Variants in EPC1 observed in about 807,000 individuals in gnomAD.
EPC1 encodes enhancer of polycomb 1.
A neutral mutation model predicts 98.4 loss-of-function variants in EPC1; 12 were observed. The observed-to-expected ratio is 0.12, with a 90% CI of 0.08 to 0.20. The LOEUF (loss-of-function observed/expected upper bound fraction) is 0.20. EPC1 is among the 10% of genes least tolerant of loss of function. EPC1 has a pLI of 1.00. For missense variants in EPC1, 729 were observed against 990.5 expected, an observed-to-expected ratio of 0.74 and a Z score of 3.54; for synonymous variants, 357 against 363.9, an observed-to-expected ratio of 0.98 and a Z score of 0.21.
At chr10:32,276,459 C>G (rs1334151879) in intron 10 of EPC1, among the ~76,000 whole-genome samples, 1 of 152,212 alleles carries the variant, frequency 6.6e-6, no homozygotes, top group Non-Finnish European at 1.5e-5. Context: ...TTGCAGTGAG[C>G]CGAGACCGCA....
At chr10:32,291,110 TGATAA>T in intron 6 of EPC1, 48 bp downstream of exon 6, 1 of 1,518,116 alleles carries the variant, frequency 6.6e-7, no homozygotes, top group Non-Finnish European at 9.1e-7. Context: ...TTCATTCTAA[TGATAA>T]AATACCATCC....
intron 1 of EPC1, among the ~76,000 whole-genome samples, chr10:32,306,857 AAC>A (rs3029539): frequency 0.18 from 27,181 of 149,580 alleles, 2,599 homozygotes; most frequent in South Asian, 0.26. Flanking sequence ...ATTAAATTCA[AAC>A]ACACACACAC....
At chr10:32,375,639 A>G (rs1839855845) in intron 1 of EPC1, among the ~76,000 whole-genome samples, 1 of 151,834 alleles carries the variant, frequency 6.6e-6, no homozygotes, top group Admixed American at 6.6e-5. Flanking sequence ...TAATTTCACT[A>G]CTCATTAGCC....
At chr10:32,343,809 T>C (rs1466069327) in intron 1 of EPC1, among the ~76,000 whole-genome samples, 2 of 152,012 alleles carry the variant, frequency 1.3e-5, no homozygotes, top group African/African-American at 4.8e-5. Context: ...ACACGAATAA[T>C]ACTTATTTTC....
chr10:32,296,117 G>C (rs923926047), intron 2 of EPC1, among the ~76,000 whole-genome samples: 19 of 151,714 alleles, frequency 1.3e-4, no homozygotes, highest in Non-Finnish European at 2.4e-4. Flanking sequence ...TTTTGTAGTA[G>C]AGATGGGGTT....
intron 1 of EPC1, among the ~76,000 whole-genome samples, chr10:32,340,684 C>A (rs1437100725): frequency 6.6e-6 from 1 of 152,014 alleles, no homozygotes; most frequent in Non-Finnish European, 1.5e-5. Flanking sequence ...AAAAATTAGG[C>A]GTGGTGGTGT....
intron 1 of EPC1, among the ~76,000 whole-genome samples, chr10:32,313,943 T>TA (rs1836405709): frequency 6.6e-6 from 1 of 151,958 alleles, no homozygotes; most frequent in Non-Finnish European, 1.5e-5. Context: ...GGAATAGCTA[T>TA]GTTTGAAGAC....
Position 32,291,167 on chromosome 10 carries a change from T to C in EPC1, c.971A>G (p.Asn324Ser), listed in dbSNP as rs760742551. Reference protein sequence around the residue: ...EAMDVKEFKVNKQDKADLIRP... With the variant: ...EAMDVKEFKVSKQDKADLIRP... ...TATCACAAAAACATTAATCACCTTA[T>C]TAACTTTGAACTCCTTCACATCCAT... is the stretch of plus-strand genomic sequence containing the variant. Residue 324 changes from asparagine to serine, a missense_variant, in exon 6 of 14, where the codon AAT becomes AGT. Physicochemically the swap from Asn to Ser is conservative, Grantham distance 46 (BLOSUM62 1). Around this residue, in one of 6 missense-constraint regions of EPC1, gnomAD observed 390 missense variants for 438.6 expected, o/e 0.89. Coordinates refer to ENST00000319778, the MANE Select transcript of EPC1 (RefSeq NM_001272004.3). 1.6e-5 allele frequency: 25 copies of C among 1,612,074 alleles called. No homozygotes were observed. Among genetic ancestry groups the C allele is most frequent in the South Asian group, 3.3e-5 (3 of 91,036 alleles).
chr10:32,360,737 T>C (rs1464905181), intron 1 of EPC1, among the ~76,000 whole-genome samples: 1 of 152,060 alleles, frequency 6.6e-6, no homozygotes, highest in East Asian at 1.9e-4. Context: ...CTACTAAAAA[T>C]ACGAAACTTA....
chr10:32,298,886 C>T (rs755225277), intron 2 of EPC1, among the ~76,000 whole-genome samples: 4 of 152,150 alleles, frequency 2.6e-5, no homozygotes, highest in Admixed American at 1.3e-4. Flanking sequence ...AGAATCAGAG[C>T]ACAAAGACAG....
chr10:32,290,251 A>G (rs1836919339), intron 6 of EPC1, among the ~76,000 whole-genome samples: 1 of 151,978 alleles, frequency 6.6e-6, no homozygotes, highest in Non-Finnish European at 1.5e-5. Flanking sequence ...GGAGGCCTAG[A>G]CGGGCGGATC....
At chr10:32,287,519 G>C (rs550560024) in intron 6 of EPC1, among the ~76,000 whole-genome samples, 1 of 152,234 alleles carries the variant, frequency 6.6e-6, no homozygotes, top group Non-Finnish European at 1.5e-5. Flanking sequence ...ATTAAAAGGA[G>C]AGAACAGAAG....
At chr10:32,349,599 C>A (rs1468962014), upstream of EPC1, among the ~76,000 whole-genome samples, 1 of 151,812 alleles carries the variant, frequency 6.6e-6, no homozygotes, top group Non-Finnish European at 1.5e-5. Context: ...ACAAAAAAAC[C>A]CTTTTTTGAA....
intron 1 of EPC1, among the ~76,000 whole-genome samples, chr10:32,367,914 C>A (rs56835731): frequency 0.015 from 2,243 of 152,244 alleles, 60 homozygotes; most frequent in African/African-American, 0.05. Flanking sequence ...TATAAGTAGC[C>A]TTATAAATGT....
intron 1 of EPC1, among the ~76,000 whole-genome samples, chr10:32,336,891 T>C (rs1389246723): frequency 2.0e-5 from 3 of 152,244 alleles, no homozygotes; most frequent in Non-Finnish European, 4.4e-5. Context: ...AATGAAATAA[T>C]TCTACAAGTT....
intron 10 of EPC1, among the ~76,000 whole-genome samples, chr10:32,280,599 C>T (rs930967394): frequency 2.0e-5 from 3 of 151,988 alleles, no homozygotes; most frequent in Non-Finnish European, 4.4e-5. Flanking sequence ...ATTAGCCAGG[C>T]ATGGTGGCGG....
chr10:32,278,225 G>T (rs1384254210), intron 10 of EPC1, among the ~76,000 whole-genome samples: 1 of 151,236 alleles, frequency 6.6e-6, no homozygotes, highest in South Asian at 2.1e-4. Context: ...ATTTTTAGTA[G>T]AGACGGAGTT....
At chr10:32,270,688 C>T (rs1835795478) in intron 13 of EPC1, among the ~76,000 whole-genome samples, 2 of 151,888 alleles carry the variant, frequency 1.3e-5, no homozygotes, top group South Asian at 4.2e-4. Flanking sequence ...AGCCAGGCAT[C>T]GCGGTGTATG....
chr10:32,368,209 G>A (rs773737673), intron 1 of EPC1, among the ~76,000 whole-genome samples: 3 of 152,182 alleles, frequency 2.0e-5, no homozygotes, highest in Non-Finnish European at 4.4e-5. Flanking sequence ...GGCAATTGAC[G>A]CAAGCATTTG....
Sources: gnomAD v4.1 joint callset for allele counts (sites outside exome capture counted in the v4.1 genomes callset) on GRCh38, gnomAD v4.1.1 for gene constraint, gnomAD v4.1.1 regional missense constraint, MANE v1.5 for transcripts, NCBI Gene and HGNC (gene_info 2026-07-23, HGNC 2026-07-21) for gene names.